Variants in SAMD8 observed in about 807,000 individuals in gnomAD.
SAMD8 encodes the protein sphingomyelin synthase-related protein 1.
Under a neutral mutation model 42.0 loss-of-function variants are expected in SAMD8, and 20 were observed. The observed-to-expected ratio is 0.48, with a 90% confidence interval of 0.34 to 0.69. The LOEUF is 0.69. Among genes scored for constraint, SAMD8 ranks in the 30% least tolerant of loss-of-function variants. The probability of loss-of-function intolerance (pLI) is 0.01; values close to 1 mark genes in which losing one functional copy is unlikely to be tolerated. For missense variants in SAMD8, 328 were observed against 511.6 expected, an observed-to-expected ratio of 0.64 and a Z score of 3.46; for synonymous variants, 162 against 173.0, an observed-to-expected ratio of 0.94 and a Z score of 0.50.
chr10:75,121,464 A>G (rs935431472), intron 1 of SAMD8, among the ~76,000 whole-genome samples: 1 of 152,106 alleles, frequency 6.6e-6, no homozygotes, highest in African/African-American at 2.4e-5. Flanking sequence ...TGTCATCCTG[A>G]TTTACAAAAC....
intron 1 of SAMD8, among the ~76,000 whole-genome samples, chr10:75,100,059 T>C (rs1848052612): frequency 6.6e-6 from 1 of 151,912 alleles, no homozygotes; most frequent in African/African-American, 2.4e-5. Context: ...GATGGGGCTT[T>C]GGGAAGTGGG....
chr10:75,164,880 G>T, intron 3 of SAMD8, 140 bp downstream of exon 3: 1 of 663,910 alleles, frequency 1.5e-6, no homozygotes, highest in Non-Finnish European at 2.6e-6. Flanking sequence ...AAAGGATTTT[G>T]AGTTTGATCA....
In SAMD8 at chr10:75,169,770, G is replaced by A. The variant is rs565820435; in HGVS notation, c.792+1112G>A. On this transcript the variant is annotated intron_variant, in intron 4 of 5. Coordinates refer to ENST00000542569, the MANE Select transcript of SAMD8 (RefSeq NM_001174156.2). ...TAAAAATACAGAAAATTACCTGGTCGTGGTGACGGGCACCTGTAATCCCAG... is the reference window on the plus strand; with the variant it reads ...TAAAAATACAGAAAATTACCTGGTCATGGTGACGGGCACCTGTAATCCCAG... Among the ~76,000 whole-genome samples, 25 of 152,054 alleles carry A rather than the reference G, an allele frequency of 1.6e-4. No homozygotes were observed. The East Asian group carries it at 2.9e-3, about 18-fold the overall frequency.
At chr10:75,138,826 C>T (rs1339684226) in intron 1 of SAMD8, among the ~76,000 whole-genome samples, 13 of 152,064 alleles carry the variant, frequency 8.5e-5, no homozygotes, top group African/African-American at 2.7e-4. Flanking sequence ...CAGAACAGTC[C>T]GGTGTTTTTA....
intron 1 of SAMD8, among the ~76,000 whole-genome samples, chr10:75,129,138 A>ATTT (rs144016245): frequency 6.8e-6 from 1 of 146,064 alleles, no homozygotes. Context: ...TCTTCTTCTT[A>ATTT]TTTTTTTTTT....
In SAMD8 at chr10:75,150,842, A is replaced by C; in HGVS notation, c.314A>C (p.Gln105Pro). 1 of 1,614,160 alleles carries C rather than the reference A, an allele frequency of 6.2e-7. No homozygotes were observed. Among genetic ancestry groups the C allele is most frequent in the Non-Finnish European group, 8.5e-7 (1 of 1,180,006 alleles). The change falls in exon 2 of 6, where the codon CAG (glutamine) becomes CCG (proline). Residue 105 changes from glutamine (Q) to proline (P), a missense_variant. Physicochemically the swap from Gln to Pro is moderately conservative, Grantham distance 76. Coordinates refer to ENST00000542569, the MANE Select transcript of SAMD8 (RefSeq NM_001174156.2). ...GSMTPFISAL[Q>P]STDWLCNGEL... Reference sequence around the variant, plus strand: ...ATGACCCCTTTCATCAGTGCTCTTCAGAGTACAGACTGGCTCTGTAATGGG... The same window carrying C: ...ATGACCCCTTTCATCAGTGCTCTTCCGAGTACAGACTGGCTCTGTAATGGG...
intron 2 of SAMD8, among the ~76,000 whole-genome samples, chr10:75,159,024 T>C (rs148827845): frequency 1.3e-4 from 20 of 152,142 alleles, no homozygotes; most frequent in Non-Finnish European, 2.9e-4. Flanking sequence ...TGAACATTCA[T>C]ATGCAAAGTT....
chr10:75,109,309 C>T, upstream of SAMD8: 1 of 726,114 alleles, frequency 1.4e-6, no homozygotes, highest in East Asian at 3.4e-5. Context: ...ACCTTTTCCT[C>T]CCCAAGCCTC....
At chr10:75,146,579 C>T (rs1341611134) in intron 1 of SAMD8, among the ~76,000 whole-genome samples, 2 of 152,162 alleles carry the variant, frequency 1.3e-5, no homozygotes, top group Non-Finnish European at 2.9e-5. Flanking sequence ...AGCCACCGCA[C>T]CTGGCTGAAA....
At chr10:75,149,852 C>A (rs1466827514) in intron 1 of SAMD8, among the ~76,000 whole-genome samples, 1 of 151,880 alleles carries the variant, frequency 6.6e-6, no homozygotes, top group Admixed American at 6.6e-5. Flanking sequence ...AGTGGAAAAG[C>A]CATTTGTAAA....
intron 2 of SAMD8, among the ~76,000 whole-genome samples, chr10:75,158,222 C>A (rs1018876438): frequency 7.9e-5 from 12 of 151,384 alleles, no homozygotes; most frequent in African/African-American, 2.7e-4. Context: ...TAATAAAAAA[C>A]AAGCAAAAAA....
At chr10:75,107,739 G>A (rs1191477881), upstream of SAMD8, among the ~76,000 whole-genome samples, 1 of 152,110 alleles carries the variant, frequency 6.6e-6, no homozygotes, top group Non-Finnish European at 1.5e-5. Flanking sequence ...ACCATGCCCG[G>A]CTAATATTTG....
Position 75,177,209 on chromosome 10 carries a change from T to G in SAMD8, c.*517T>G, listed in dbSNP as rs931421903. The G allele has an allele frequency of 1.3e-5, 2 of 153,410 alleles. No homozygotes were observed. The highest frequency in any genetic ancestry group is 4.8e-5 in the African/African-American group (2 of 41,460). The allele number at this position is 153,410 out of a possible 1,614,324, so 9.5% of individuals were successfully genotyped here. On this transcript the variant is annotated 3_prime_UTR_variant, in exon 6 of 6. Coordinates refer to ENST00000542569, the MANE Select transcript of SAMD8 (RefSeq NM_001174156.2). ...GTTTTACTGACAAAGAGTTTTTGCC[T>G]TCTGAACCATCTTTAAATATACTGA...
At chr10:75,148,346 C>CTTTTTTTTTTTTTGTTTTTTTTTTTTTT (rs1840194182) in intron 1 of SAMD8, among the ~76,000 whole-genome samples, 1 of 82,564 alleles carries the variant, frequency 1.2e-5, no homozygotes, top group Non-Finnish European at 2.0e-5. Flanking sequence ...GCAATACCAG[C>CTTTTTTTTTTTTTGTTTTTTTTTTTTTT]TTTTTTTTTT....
At chr10:75,124,953 G>A (rs544447272) in intron 1 of SAMD8, among the ~76,000 whole-genome samples, 1 of 151,816 alleles carries the variant, frequency 6.6e-6, no homozygotes, top group South Asian at 2.1e-4. Flanking sequence ...TGTTGTTTTT[G>A]TTTGTTTGTT....
intron 1 of SAMD8, among the ~76,000 whole-genome samples, chr10:75,121,129 G>A (rs530929807): frequency 4.0e-4 from 61 of 152,164 alleles, no homozygotes; most frequent in Admixed American, 8.5e-4. Context: ...TATTGTAAGT[G>A]CATTACATGT....
At chr10:75,137,654 A>C (rs1564682413) in intron 1 of SAMD8, among the ~76,000 whole-genome samples, 1 of 152,238 alleles carries the variant, frequency 6.6e-6, no homozygotes, top group Non-Finnish European at 1.5e-5. Flanking sequence ...CTTATGTGAA[A>C]TATCTAGAAT....
chr10:75,176,545 C>T lies in SAMD8; in HGVS notation c.1101C>T (p.Ala367=). 3 of 1,550,530 alleles carry T rather than the reference C, an allele frequency of 1.9e-6. No individual in the cohort carries two copies. The highest frequency in any genetic ancestry group is 1.7e-6 in the Non-Finnish European group (2 of 1,146,934). Residue 367 remains alanine, a synonymous_variant, in exon 6 of 6, where the codon GCC becomes GCT. Coordinates refer to ENST00000542569, the MANE Select transcript of SAMD8 (RefSeq NM_001174156.2). The surrounding 1 kb of genome is among the most constrained non-coding windows in gnomAD (Gnocchi z 4.3). The stretch of plus-strand genomic sequence containing the variant: ...TCTTTTTGTACTACCATACTCTGGC[C>T]AATACCAGAGCATATCAGCAGAGTA... ...TRLFLYYHTL[A]NTRAYQQSRR...
At chr10:75,105,730 C>A in intron 1 of SAMD8, 2 of 1,554,536 alleles carry the variant, frequency 1.3e-6, no homozygotes, top group African/African-American at 1.4e-5. Context: ...CAGGAAGCCT[C>A]GGTTGGGGAA....
Sources: gnomAD v4.1 joint callset for allele counts (sites outside exome capture counted in the v4.1 genomes callset) on GRCh38, gnomAD v4.1.1 for gene constraint, Gnocchi (gnomAD v3.1) non-coding constraint, MANE v1.5 for transcripts, NCBI Gene and HGNC (gene_info 2026-07-23, HGNC 2026-07-21) for gene names.